LRRC4C: variants seen among roughly 807,000 people sequenced by gnomAD.
LRRC4C encodes the protein leucine-rich repeat-containing protein 4C.
LRRC4C carries 5 observed loss-of-function variants against 33.6 expected under a neutral mutation model. The ratio of observed to expected loss-of-function variants is 0.15; its 90% CI spans 0.08 to 0.31. The LOEUF is 0.31. Among genes scored for constraint, LRRC4C ranks in the 10% least tolerant of loss-of-function variants. The pLI, the probability that LRRC4C is intolerant of heterozygous loss-of-function variation, is 1.00. For synonymous variants in LRRC4C, 329 were observed against 302.0 expected, an observed-to-expected ratio of 1.09 and a Z score of -0.93; for missense variants, 560 against 796.7, an observed-to-expected ratio of 0.70 and a Z score of 3.58.
At chr11:41,157,200 T>C (rs1944270764) in intron 1 of LRRC4C, among the ~76,000 whole-genome samples, 1 of 151,958 alleles carries the variant, frequency 6.6e-6, no homozygotes, top group South Asian at 2.1e-4. Context: ...CCAAAATGAA[T>C]TAAGATGAGG....
chr11:40,699,584 A>G (rs913386420), intron 2 of LRRC4C, among the ~76,000 whole-genome samples: 1 of 152,206 alleles, frequency 6.6e-6, no homozygotes, highest in Non-Finnish European at 1.5e-5. Context: ...TGGAATCTCT[A>G]CAAGTGTATT....
intron 1 of LRRC4C, among the ~76,000 whole-genome samples, chr11:41,092,752 C>T (rs1404368193): frequency 6.6e-6 from 1 of 152,212 alleles, no homozygotes; most frequent in Non-Finnish European, 1.5e-5. Flanking sequence ...CTAACTACAA[C>T]ATTAATAAAG....
At chr11:40,168,977 C>T (rs1015261373) in intron 5 of LRRC4C, among the ~76,000 whole-genome samples, 2 of 152,038 alleles carry the variant, frequency 1.3e-5, no homozygotes, top group Non-Finnish European at 2.9e-5. Flanking sequence ...CCAGTCTTTA[C>T]TTTAGTTTTT....
intron 1 of LRRC4C, among the ~76,000 whole-genome samples, chr11:40,945,968 C>T (rs546227926): frequency 1.3e-4 from 20 of 152,250 alleles, no homozygotes; most frequent in African/African-American, 4.6e-4. Context: ...GGTGGGTCCA[C>T]GTGCAGGTTT....
intron 3 of LRRC4C, among the ~76,000 whole-genome samples, chr11:40,420,950 C>G (rs542948116): frequency 4.6e-5 from 7 of 152,224 alleles, no homozygotes; most frequent in African/African-American, 1.7e-4. Context: ...TCATTGTCAC[C>G]CTCATGGTCA....
At chr11:40,698,446 G>A (rs937950453) in intron 2 of LRRC4C, among the ~76,000 whole-genome samples, 2 of 151,046 alleles carry the variant, frequency 1.3e-5, no homozygotes, top group Admixed American at 1.3e-4. Context: ...GTCAATAAGA[G>A]CATTTTTTTT....
At chr11:40,388,801 G>C (rs948950836) in intron 3 of LRRC4C, among the ~76,000 whole-genome samples, 17 of 152,156 alleles carry the variant, frequency 1.1e-4, no homozygotes, top group African/African-American at 3.9e-4. Context: ...ATGCCATCAA[G>C]TCTCATCTCT....
chr11:41,192,362 T>G, intron 1 of LRRC4C, among the ~76,000 whole-genome samples: 1 of 147,048 alleles, frequency 6.8e-6, no homozygotes, highest in East Asian at 2.1e-4. Flanking sequence ...GTTCAGTACT[T>G]TACAGAATTG....
chr11:40,352,129 T>A (rs988598724), intron 3 of LRRC4C, among the ~76,000 whole-genome samples: 3 of 102,198 alleles, frequency 2.9e-5, no homozygotes, highest in Non-Finnish European at 4.4e-5. Context: ...CTTCCTTCCT[T>A]CCTTCCTTCC....
intron 2 of LRRC4C, among the ~76,000 whole-genome samples, chr11:40,815,598 C>G (rs1024031240): frequency 1.8e-4 from 27 of 152,100 alleles, no homozygotes; most frequent in African/African-American, 6.5e-4. Flanking sequence ...TAAAAAATTT[C>G]CTTTGTGGCT....
chr11:41,118,045 A>G (rs1942229812), intron 1 of LRRC4C, among the ~76,000 whole-genome samples: 1 of 152,204 alleles, frequency 6.6e-6, no homozygotes, highest in East Asian at 1.9e-4. Context: ...CTACCCCTTC[A>G]ATGGTCATTC....
At chr11:41,383,458 T>A (rs1375798081) in intron 1 of LRRC4C, among the ~76,000 whole-genome samples, 1 of 152,084 alleles carries the variant, frequency 6.6e-6, no homozygotes, top group Non-Finnish European at 1.5e-5. Flanking sequence ...AGAATTAAAA[T>A]ATTGTATGTA....
At chr11:40,451,173 A>G (rs1379345932) in intron 3 of LRRC4C, among the ~76,000 whole-genome samples, 1 of 151,722 alleles carries the variant, frequency 6.6e-6, no homozygotes, top group Non-Finnish European at 1.5e-5. Flanking sequence ...AATAAAGATC[A>G]GAGCAAAAGT....
At chr11:40,861,019 T>C (rs1430747984) in intron 2 of LRRC4C, among the ~76,000 whole-genome samples, 2 of 152,254 alleles carry the variant, frequency 1.3e-5, no homozygotes, top group African/African-American at 2.4e-5. Context: ...GAATGGAACA[T>C]GTCTTATAAT....
At chr11:40,731,133 C>A (rs192092664) in intron 2 of LRRC4C, among the ~76,000 whole-genome samples, 2,286 of 152,204 alleles carry the variant, frequency 0.015, 35 homozygotes, top group Non-Finnish European at 0.02. Context: ...TCCTGGCTAA[C>A]ATGGTGAAAC....
rs544339031 is a variant in LRRC4C at position 41,400,506 on chromosome 11, C to T, written c.-496+58925G>A. 9.6e-4 allele frequency among the ~76,000 whole-genome samples: 146 copies of T among 151,848 alleles called. No individual in the cohort carries two copies. The Middle Eastern group carries it at 0.01, about 11-fold the overall frequency. ...CTGCTTCCAGTTCCAGACATGGGAA[C>T]GCTGGGAATTCTACAACTATCATGG... On this transcript the variant is annotated intron_variant, in intron 1 of 6. Coordinates refer to ENST00000528697, the MANE Select transcript of LRRC4C (RefSeq NM_001258419.2).
chr11:40,472,985 C>G (rs1953019165), intron 3 of LRRC4C, among the ~76,000 whole-genome samples: 1 of 152,050 alleles, frequency 6.6e-6, no homozygotes, highest in African/African-American at 2.4e-5. Context: ...ACCAAAACAG[C>G]CTGGGACCAG....
chr11:41,437,515 T>C (rs1485067388), intron 1 of LRRC4C, among the ~76,000 whole-genome samples: 1 of 152,080 alleles, frequency 6.6e-6, no homozygotes, highest in Non-Finnish European at 1.5e-5. Flanking sequence ...TAGGAACAGT[T>C]CATGTCTTCA....
At chr11:40,524,844 A>G (rs1263564710) in intron 3 of LRRC4C, among the ~76,000 whole-genome samples, 1 of 152,214 alleles carries the variant, frequency 6.6e-6, no homozygotes, top group Non-Finnish European at 1.5e-5. Context: ...GCATAGGCAT[A>G]CATCAAATAA....
Sources: allele counts gnomAD v4.1 joint callset (sites outside exome capture counted in the v4.1 genomes callset), GRCh38; gene constraint gnomAD v4.1.1; transcripts MANE v1.5; gene names NCBI Gene and HGNC (gene_info 2026-07-23, HGNC 2026-07-21).